TMPRSS11B: variants seen among roughly 807,000 people sequenced by gnomAD.
The protein encoded by TMPRSS11B is transmembrane serine protease 11B.
TMPRSS11B carries 53 observed loss-of-function variants against 44.7 expected under a neutral mutation model. That is an observed-to-expected ratio of 1.19 (90% confidence interval 0.95 to 1.49). TMPRSS11B has a LOEUF of 1.49. TMPRSS11B is among the 40% of genes most tolerant of loss of function. TMPRSS11B has a pLI of 0.00. For synonymous variants in TMPRSS11B, 140 were observed against 159.2 expected (o/e 0.88, Z 0.91); for missense variants, 526 against 494.8 (o/e 1.06, Z -0.60).
chr4:68,236,357 G>T, intron 2 of TMPRSS11B, 91 bp from the exon 3 acceptor site: 1 of 763,058 alleles, frequency 1.3e-6, no homozygotes, highest in Non-Finnish European at 2.2e-6. Flanking sequence ...ATTCCACCCA[G>T]CTTTAGAAAT....
At position 68,245,576 on chromosome 4, in the gene TMPRSS11B, G is replaced by A. The variant is rs1333258920; in HGVS notation, c.-18C>T. Reference sequence around the variant, plus strand: ...CTGTACATAATGTTCTGATTGTTATGGCAGTATCAGGTATAACGGTGGTAA... The same window carrying A: ...CTGTACATAATGTTCTGATTGTTATAGCAGTATCAGGTATAACGGTGGTAA... On this transcript the variant is annotated 5_prime_UTR_variant, in exon 1 of 10. Transcript: ENST00000332644. 1.2e-6 allele frequency: 2 copies of A among 1,612,788 alleles called. No individual in the cohort carries two copies. The highest frequency in any genetic ancestry group is 2.2e-5 in the East Asian group (1 of 44,860).
chr4:68,238,577 AT>A (rs1439593067), intron 2 of TMPRSS11B, among the ~76,000 whole-genome samples: 2 of 135,248 alleles, frequency 1.5e-5, no homozygotes, highest in African/African-American at 5.2e-5. Context: ...AAAAAAAAAA[AT>A]TAGCCAGGAG....
chr4:68,237,167 C>T (rs1244449021), intron 2 of TMPRSS11B, among the ~76,000 whole-genome samples: 1 of 152,094 alleles, frequency 6.6e-6, no homozygotes, highest in Admixed American at 6.5e-5. Context: ...TCAGCTCCCA[C>T]TTATGAGTGA....
chr4:68,241,318 T>C (rs1050247980), intron 2 of TMPRSS11B, among the ~76,000 whole-genome samples: 38 of 152,146 alleles, frequency 2.5e-4, no homozygotes, highest in Admixed American at 1.0e-3. Flanking sequence ...TTATTCATCA[T>C]ATCTTAATAA....
Position 68,229,353 on chromosome 4 carries a change from CT to C in TMPRSS11B, c.849del (p.Glu284SerfsTer13). On this transcript the variant is annotated frameshift_variant, in exon 8 of 10. Coordinates refer to ENST00000332644, the MANE Select transcript of TMPRSS11B (RefSeq NM_182502.3). LOFTEE classifies it high-confidence loss of function. ...LVQLAEEVSF[T>X]EYIRKICLPE... is the part of the protein sequence containing the mutation. ...GGAAGACAAATCTTACGAATGTACT[CT>C]GTAAAAGAAACTTCTTCAGCAAGCT... 1.2e-6 allele frequency: 2 copies of C among 1,614,060 alleles called. No homozygotes were observed. The highest frequency in any genetic ancestry group is 8.5e-7 in the Non-Finnish European group (1 of 1,179,984).
intron 7 of TMPRSS11B, chr4:68,229,826 C>T (rs924116401): frequency 4.2e-6 from 1 of 235,812 alleles, no homozygotes; most frequent in African/African-American, 2.3e-5. Context: ...ACATGAGCGT[C>T]CTCAATTCCG....
At chr4:68,243,089 A>G (rs1012427913) in intron 1 of TMPRSS11B, among the ~76,000 whole-genome samples, 1 of 152,184 alleles carries the variant, frequency 6.6e-6, no homozygotes, top group Non-Finnish European at 1.5e-5. Flanking sequence ...TATTTTTCAT[A>G]TCTTGAGAGA....
Position 68,237,550 on chromosome 4 carries a change from C to T in TMPRSS11B, c.125-1284G>A, listed in dbSNP as rs540373633. ...CTTCCACAGTGGTTGAACTAATTTA[C>T]ACTCCCAACAGTGTAAAAGCATGGT... On this transcript the variant is annotated intron_variant, in intron 2 of 9. Coordinates refer to ENST00000332644, the MANE Select transcript of TMPRSS11B (RefSeq NM_182502.3). Among the ~76,000 whole-genome samples, 9 of 152,274 alleles carry T rather than the reference C, an allele frequency of 5.9e-5. 1 individual carries two copies. The South Asian group carries it at 1.9e-3, about 32-fold the overall frequency.
rs769798455 is a variant in TMPRSS11B, at chr4:68,236,080, A to G, written c.241-11T>C. 3.8e-6 allele frequency: 6 copies of G among 1,584,052 alleles called. No individual in the cohort carries two copies. The South Asian group carries it at 4.7e-5, about 12-fold the overall frequency. On this transcript the variant is annotated splice_polypyrimidine_tract_variant and intron_variant, in intron 3 of 9. Transcript: ENST00000332644. Reference sequence around the variant, plus strand: ...AAATGCATTTAACATCTGACAAGAGAAAAAAAACAGTCATCATGTATGTTT... The same window carrying G: ...AAATGCATTTAACATCTGACAAGAGGAAAAAAACAGTCATCATGTATGTTT...
intron 1 of TMPRSS11B, among the ~76,000 whole-genome samples, 177 bp downstream of exon 1, chr4:68,245,374 A>G (rs1208251591): frequency 6.6e-6 from 1 of 152,138 alleles, no homozygotes; most frequent in African/African-American, 2.4e-5. Flanking sequence ...TAACTTTTGG[A>G]AACTTTCCCA....
chr4:68,229,586 C>A (rs1457931435), intron 7 of TMPRSS11B, 70 bp from the exon 8 acceptor site: 1 of 1,421,144 alleles, frequency 7.0e-7, no homozygotes, highest in South Asian at 1.5e-5. Context: ...TGGTGATTAT[C>A]TCATAATTTT....
chr4:68,229,622 T>C, intron 7 of TMPRSS11B, 106 bp from the exon 8 acceptor site: 2 of 988,016 alleles, frequency 2.0e-6, no homozygotes, highest in South Asian at 1.9e-5. Context: ...CAAACAAAAC[T>C]ATAAACCACT....
In TMPRSS11B at chr4:68,228,841, A is replaced by C. The variant is rs368172710; in HGVS notation, c.990T>G (p.Ile330Met). The change falls in exon 9 of 10, where the codon ATT (isoleucine) becomes ATG (methionine). Residue 330 changes from isoleucine to methionine, a missense_variant. By Grantham distance (10) the Ile-to-Met change is conservative. Coordinates refer to ENST00000332644, the MANE Select transcript of TMPRSS11B (RefSeq NM_182502.3). Reference protein sequence around the residue: ...VILQEDFLKIIDNKICNASYA... With the variant: ...VILQEDFLKIMDNKICNASYA... ...ATGAGGCATTGCAAATTTTGTTGTC[A>C]ATAATCTTCAAAAAGTCTTCTTGAA... is the stretch of plus-strand genomic sequence containing the variant. 11 of 1,613,734 alleles carry C rather than the reference A, an allele frequency of 6.8e-6. No individual in the cohort carries two copies. The East Asian group carries it at 8.9e-5, about 13-fold the overall frequency.
At chr4:68,232,337 G>A (rs200853084) in intron 6 of TMPRSS11B, 41 bp downstream of exon 6, 156 of 1,574,864 alleles carry the variant, frequency 9.9e-5, no homozygotes, top group Non-Finnish European at 1.3e-4. Flanking sequence ...GAAAATACCT[G>A]TGAGTCCATC....
At chr4:68,243,376 G>C (rs1363428606) in intron 1 of TMPRSS11B, among the ~76,000 whole-genome samples, 1 of 151,976 alleles carries the variant, frequency 6.6e-6, no homozygotes. Flanking sequence ...TGATACAACT[G>C]TGCAACTCCA....
intron 2 of TMPRSS11B, among the ~76,000 whole-genome samples, chr4:68,240,131 G>A (rs543339392): frequency 2.0e-5 from 3 of 152,146 alleles, no homozygotes; most frequent in East Asian, 3.8e-4. Context: ...CTAATTTCAT[G>A]CTACTTAAAT....
chr4:68,234,966 C>A (rs1160160312), intron 4 of TMPRSS11B, among the ~76,000 whole-genome samples: 1 of 152,078 alleles, frequency 6.6e-6, no homozygotes, highest in East Asian at 1.9e-4. Context: ...TTTCTAATAA[C>A]TTCATTTTAT....
In TMPRSS11B at chr4:68,243,671, G is replaced by T. The variant is rs967324780; in HGVS notation, c.9-1867C>A. On this transcript the variant is annotated intron_variant, in intron 1 of 9. Coordinates refer to ENST00000332644, the MANE Select transcript of TMPRSS11B (RefSeq NM_182502.3). ...TATTGGATAACATGTTTCTTTTAAT[G>T]ACTATAAAAGTGCACTGTGACAGTA... 6.6e-5 allele frequency among the ~76,000 whole-genome samples: 10 copies of T among 151,998 alleles called. No individual in the cohort carries two copies. In the South Asian group the frequency reaches 1.2e-3, roughly 19 times the overall value.
At chr4:68,231,412 G>A (rs1373534857) in intron 6 of TMPRSS11B, 32 bp from the exon 7 acceptor site, 3 of 1,541,750 alleles carry the variant, frequency 1.9e-6, no homozygotes, top group African/African-American at 1.5e-5. Flanking sequence ...ACGAGAGCAG[G>A]TATCTTTGAT....
Sources: gnomAD v4.1 joint callset for allele counts (sites outside exome capture counted in the v4.1 genomes callset) on GRCh38, gnomAD v4.1.1 for gene constraint, MANE v1.5 for transcripts, NCBI Gene and HGNC (gene_info 2026-07-23, HGNC 2026-07-21) for gene names.